The following ELP3 variants were observed in gnomAD, a reference collection of about 807,000 sequenced individuals.
The protein encoded by ELP3 is elongator complex protein 3.
Under a neutral mutation model 74.9 loss-of-function variants are expected in ELP3, and 56 were observed. The ratio of observed to expected loss-of-function variants is 0.75; its 90% CI spans 0.60 to 0.93. The LOEUF is 0.93. ELP3 is among the 40% of genes least tolerant of loss of function. The pLI, the probability that ELP3 is intolerant of heterozygous loss-of-function variation, is 0.00. For synonymous variants in ELP3, 222 were observed against 239.8 expected (o/e 0.93, Z 0.68); for missense variants, 573 against 686.5 (o/e 0.83, Z 1.85).
At chr8:28,122,851 G>T (rs1304748671) in intron 7 of ELP3, among the ~76,000 whole-genome samples, 2 of 152,002 alleles carry the variant, frequency 1.3e-5, no homozygotes, top group Non-Finnish European at 2.9e-5. Flanking sequence ...TTGGCCAGGC[G>T]CAATGGCTCA....
intron 14 of ELP3, among the ~76,000 whole-genome samples, chr8:28,186,289 T>C (rs1815237773): frequency 6.6e-6 from 1 of 152,174 alleles, no homozygotes; most frequent in South Asian, 2.1e-4. Flanking sequence ...TGAATGTATT[T>C]AGCAACACCG....
At chr8:28,135,198 G>T (rs1585688544) in intron 9 of ELP3, among the ~76,000 whole-genome samples, 1 of 152,248 alleles carries the variant, frequency 6.6e-6, no homozygotes, top group Non-Finnish European at 1.5e-5. Flanking sequence ...AAAGTGCTGG[G>T]ATTACAGGCG....
intron 7 of ELP3, among the ~76,000 whole-genome samples, chr8:28,128,595 C>T (rs1585678499): frequency 6.6e-6 from 1 of 152,338 alleles, no homozygotes; most frequent in East Asian, 1.9e-4. Flanking sequence ...GTGGACCCAA[C>T]TTCAGATCCT....
chr8:28,178,476 T>C (rs1814855596), intron 14 of ELP3, among the ~76,000 whole-genome samples: 1 of 152,256 alleles, frequency 6.6e-6, no homozygotes, highest in Admixed American at 6.5e-5. Context: ...TTGCTCAACA[T>C]TGCTGTAAGA....
intron 7 of ELP3, among the ~76,000 whole-genome samples, chr8:28,115,278 A>T (rs1046552388): frequency 2.0e-5 from 3 of 152,170 alleles, no homozygotes; most frequent in African/African-American, 4.8e-5. Context: ...GGTAACATTG[A>T]CAACCATGTA....
In ELP3 at chr8:28,189,713, G is replaced by C; in HGVS notation, c.1632G>C (p.Lys544Asn). Residue 544 changes from lysine to asparagine, a missense_variant, in exon 15 of 15, where the codon AAG becomes AAC. By Grantham distance (94) the Lys-to-Asn change is moderately conservative. Coordinates refer to ENST00000256398, the MANE Select transcript of ELP3 (RefSeq NM_018091.6). ...GATTACAAGGCCCGTACATGGTGAA[G>C]ATGCTGAAATAATGGCCACACCAGT... ...GYRLQGPYMV[K>N]MLK 3 of 1,614,088 alleles carry C rather than the reference G, an allele frequency of 1.9e-6. No homozygotes were observed. The highest frequency in any genetic ancestry group is 1.7e-6 in the Non-Finnish European group (2 of 1,179,962).
At chr8:28,181,036 G>A (rs1047524492) in intron 14 of ELP3, among the ~76,000 whole-genome samples, 3 of 151,980 alleles carry the variant, frequency 2.0e-5, no homozygotes, top group African/African-American at 4.8e-5. Context: ...AGTATCTCAC[G>A]TGCCCTTCCT....
intron 10 of ELP3, 134 bp from the exon 11 acceptor site, chr8:28,155,808 T>TATGAA (rs1813802389): frequency 3.2e-6 from 2 of 624,722 alleles, no homozygotes; most frequent in Non-Finnish European, 5.5e-6. Flanking sequence ...GCTTTGCCTC[T>TATGAA]GATTTCCTGG....
chr8:28,162,148 T>C (rs1018524469), intron 14 of ELP3, 70 bp downstream of exon 14: 17 of 1,485,352 alleles, frequency 1.1e-5, no homozygotes, highest in Non-Finnish European at 1.6e-5. Flanking sequence ...AAAACTATGT[T>C]GGTACCCTCT....
rs1263660959 is a variant in ELP3, at chr8:28,190,647, C to T, written c.*922C>T. The T allele has an allele frequency of 1.3e-5, 2 of 151,888 alleles. No individual in the cohort carries two copies. Among genetic ancestry groups the T allele is most frequent in the African/African-American group, 2.4e-5 (1 of 41,298 alleles). 9.4% of individuals were successfully genotyped at this position (151,888 alleles called of 1,614,324 possible). A position where few individuals can be genotyped will look rare whatever the true frequency, so the allele number is the denominator to read the frequency against. The stretch of plus-strand genomic sequence containing the variant: ...TGCAGTGGCGCAATCTCACTGCATC[C>T]TCCGCCTCCCGGGTTCAAGCGATTC... On this transcript the variant is annotated 3_prime_UTR_variant, in exon 15 of 15. Coordinates refer to ENST00000256398, the MANE Select transcript of ELP3 (RefSeq NM_018091.6).
At chr8:28,097,973 C>T (rs1286112823) in intron 2 of ELP3, among the ~76,000 whole-genome samples, 1 of 152,114 alleles carries the variant, frequency 6.6e-6, no homozygotes, top group African/African-American at 2.4e-5. Context: ...TCTCCAGAGC[C>T]CATGTTCTTC....
intron 7 of ELP3, among the ~76,000 whole-genome samples, chr8:28,128,672 C>T (rs529189364): frequency 2.6e-5 from 4 of 152,270 alleles, no homozygotes; most frequent in Admixed American, 2.0e-4. Context: ...TCAGTTTCAT[C>T]ACTTGTGAAA....
rs75148761 is a variant in ELP3, at chr8:28,105,438, T to A, written c.259-1275T>A. Among the ~76,000 whole-genome samples, 1,174 of 152,324 alleles carry A rather than the reference T, an allele frequency of 7.7e-3. 20 individuals are homozygous for A. The highest frequency in any genetic ancestry group is 0.026 in the African/African-American group (1,090 of 41,574). ...TTCCAGGCTTATCTTAGACTTTCTT[T>A]GCTCCAGCCCTGGAATCAGCCATTT... is the stretch of plus-strand genomic sequence containing the variant. On this transcript the variant is annotated intron_variant, in intron 3 of 14. Transcript: ENST00000256398.
At chr8:28,130,687 G>C (rs552329144) in intron 8 of ELP3, among the ~76,000 whole-genome samples, 1 of 152,310 alleles carries the variant, frequency 6.6e-6, no homozygotes, top group African/African-American at 2.4e-5. Context: ...GAGGGGAAGG[G>C]GGAGCTTTCT....
At chr8:28,104,761 G>C (rs149264053) in intron 3 of ELP3, among the ~76,000 whole-genome samples, 2 of 152,304 alleles carry the variant, frequency 1.3e-5, no homozygotes, top group Non-Finnish European at 2.9e-5. Flanking sequence ...TATCACTGAT[G>C]TTCCTCATTT....
chr8:28,093,354 AC>A (rs1811121217), intron 1 of ELP3, 121 bp downstream of exon 1: 24 of 1,386,642 alleles, frequency 1.7e-5, no homozygotes, highest in Middle Eastern at 2.4e-4. Context: ...TCGCCCCGCC[AC>A]CTAGGGTCAG....
chr8:28,093,047 A>ACGGGG (rs1811102331), upstream of ELP3: 2 of 1,131,092 alleles, frequency 1.8e-6, no homozygotes, highest in East Asian at 2.6e-5. Context: ...TAGTTGCAAC[A>ACGGGG]CGGGGCGGGG....
At chr8:28,159,130 A>G (rs1360141451) in intron 12 of ELP3, among the ~76,000 whole-genome samples, 1 of 152,210 alleles carries the variant, frequency 6.6e-6, no homozygotes, top group Non-Finnish European at 1.5e-5. Flanking sequence ...CCTTACCCAC[A>G]GGCTCCACAA....
At chr8:28,146,086 T>C (rs908861341) in intron 10 of ELP3, among the ~76,000 whole-genome samples, 3 of 152,004 alleles carry the variant, frequency 2.0e-5, no homozygotes, top group Non-Finnish European at 4.4e-5. Flanking sequence ...ACCCATTACC[T>C]TTTTTTTAAA....
Sources: allele counts gnomAD v4.1 joint callset (sites outside exome capture counted in the v4.1 genomes callset), GRCh38; gene constraint gnomAD v4.1.1; transcripts MANE v1.5; gene names NCBI Gene and HGNC (gene_info 2026-07-23, HGNC 2026-07-21).